Variants in SV2C observed in about 807,000 individuals in gnomAD.
The protein encoded by SV2C is synaptic vesicle glycoprotein 2C, also known as solute carrier family 22 member B3.
In SV2C, 49 loss-of-function variants were observed where a neutral mutation model predicts 79.7. The ratio of observed to expected loss-of-function variants is 0.61; its 90% confidence interval spans 0.49 to 0.78. SV2C has a LOEUF of 0.78. Ranked by LOEUF, SV2C falls within the 30% of genes least tolerant of loss-of-function variation. The pLI, the probability that SV2C is intolerant of heterozygous loss-of-function variation, is 0.00. For synonymous variants in SV2C, 334 were observed against 333.2 expected, an observed-to-expected ratio of 1.00 and a Z score of -0.03; for missense variants, 833 against 912.9, an observed-to-expected ratio of 0.91 and a Z score of 1.13.
rs114335668 is a variant in SV2C, at chr5:76,255,890, G to T, written c.914-29272G>T. Among the ~76,000 whole-genome samples the T allele has an allele frequency of 6.8e-3, 1,030 of 152,244 alleles. 3 individuals are homozygous for T. Among genetic ancestry groups the T allele is most frequent in the Middle Eastern group, 0.017 (5 of 294 alleles). On this transcript the variant is annotated intron_variant, in intron 4 of 12. Transcript: ENST00000502798. ...ACTTGGCTCCCATCTCAGCCCTTCTGGGGGAAGAGGGCTCAGATTCTTACA... is the reference window on the plus strand; with the variant it reads ...ACTTGGCTCCCATCTCAGCCCTTCTTGGGGAAGAGGGCTCAGATTCTTACA...
the SV2C span, among the ~76,000 whole-genome samples, chr5:75,939,418 A>G: frequency 6.6e-6 from 1 of 152,074 alleles, no homozygotes; most frequent in Non-Finnish European, 1.5e-5. Context: ...TAAGGACACT[A>G]AAGTCATCAG....
chr5:76,273,883 G>A (rs561120318), intron 4 of SV2C, among the ~76,000 whole-genome samples: 8 of 152,166 alleles, frequency 5.3e-5, no homozygotes, highest in Non-Finnish European at 1.0e-4. Flanking sequence ...TGGCAATAGC[G>A]TTCACAGGAT....
chr5:76,223,201 G>C (rs1239876901), intron 4 of SV2C, among the ~76,000 whole-genome samples: 1 of 151,846 alleles, frequency 6.6e-6, no homozygotes, highest in Non-Finnish European at 1.5e-5. Flanking sequence ...ATTATCTTAG[G>C]CTGAGGTGGG....
At chr5:76,001,431 T>C in the SV2C span, among the ~76,000 whole-genome samples, 1 of 152,002 alleles carries the variant, frequency 6.6e-6, no homozygotes, top group Non-Finnish European at 1.5e-5. Context: ...GTCTACCCCA[T>C]CTCTACTGAA....
At chr5:75,964,374 AG>A in the SV2C span, among the ~76,000 whole-genome samples, 1 of 152,154 alleles carries the variant, frequency 6.6e-6, no homozygotes, top group East Asian at 1.9e-4. Flanking sequence ...GTCCTTCTCA[AG>A]TATTTCTTTT....
chr5:76,218,240 C>T (rs4704298), intron 4 of SV2C, among the ~76,000 whole-genome samples: 48,392 of 152,050 alleles, frequency 0.32, 8,154 homozygotes, highest in East Asian at 0.62. Flanking sequence ...AATTGCTGTA[C>T]GATCACATTA....
the SV2C span, among the ~76,000 whole-genome samples, chr5:76,024,437 C>T: frequency 2.6e-5 from 4 of 152,174 alleles, no homozygotes; most frequent in Non-Finnish European, 4.4e-5. Flanking sequence ...TGGTCATTTG[C>T]TTTTCATGTT....
At chr5:75,921,660 C>A in the SV2C span, 2 of 677,542 alleles carry the variant, frequency 3.0e-6, no homozygotes, top group Non-Finnish European at 5.3e-6. Flanking sequence ...ATGCGGGGGC[C>A]CCCTTTTATC....
the SV2C span, among the ~76,000 whole-genome samples, chr5:75,956,977 A>T: frequency 6.6e-6 from 1 of 151,974 alleles, no homozygotes; most frequent in Non-Finnish European, 1.5e-5. Context: ...TACAGTCTAC[A>T]AAGGCAAGGT....
chr5:76,099,570 T>C (rs978566799), intron 1 of SV2C, among the ~76,000 whole-genome samples: 2 of 152,182 alleles, frequency 1.3e-5, no homozygotes, highest in Admixed American at 6.5e-5. Context: ...GGCTGACATA[T>C]GACAACACAG....
At chr5:76,227,712 G>A (rs1267217913) in intron 4 of SV2C, among the ~76,000 whole-genome samples, 3 of 152,224 alleles carry the variant, frequency 2.0e-5, no homozygotes, top group Non-Finnish European at 4.4e-5. Context: ...GCTACTCAGG[G>A]GTGTCAGTCC....
intron 2 of SV2C, among the ~76,000 whole-genome samples, chr5:76,148,038 A>G (rs1749492803): frequency 1.3e-5 from 2 of 152,208 alleles, no homozygotes; most frequent in South Asian, 4.1e-4. Context: ...GATGCTAAAT[A>G]AAGAGACTCA....
the SV2C span, among the ~76,000 whole-genome samples, chr5:76,051,988 A>T: frequency 0.021 from 3,145 of 152,248 alleles, 45 homozygotes; most frequent in South Asian, 0.048. Context: ...AGATCAATTT[A>T]TTTTATCTTC....
chr5:75,848,624 CA>C, the SV2C span, among the ~76,000 whole-genome samples: 1 of 152,146 alleles, frequency 6.6e-6, no homozygotes, highest in Admixed American at 6.5e-5. Flanking sequence ...ATGAATAAAA[CA>C]ATTGAACATG....
chr5:76,195,254 T>A (rs1241582970), intron 3 of SV2C, among the ~76,000 whole-genome samples, 155 bp downstream of exon 3: 2 of 152,196 alleles, frequency 1.3e-5, no homozygotes, highest in Non-Finnish European at 2.9e-5. Flanking sequence ...CTTAGAAATA[T>A]AATTATCAAC....
At chr5:75,880,749 C>T in the SV2C span, among the ~76,000 whole-genome samples, 1 of 152,188 alleles carries the variant, frequency 6.6e-6, no homozygotes, top group Non-Finnish European at 1.5e-5. Flanking sequence ...GCCTGTTATT[C>T]AGTTCAAAAG....
At position 76,257,263 on chromosome 5, in the gene SV2C, ATGTG is replaced by A. The variant is rs59644660; in HGVS notation, c.914-27875_914-27872del. ...AGCTCGTGGTGGGGGGCTGTAGTGT[ATGTG>A]TGTGTGTGTGTGTGTGTGTGTGTAG... On this transcript the variant is annotated intron_variant, in intron 4 of 12. Transcript: ENST00000502798. 5.7e-3 allele frequency among the ~76,000 whole-genome samples: 773 copies of A among 134,786 alleles called. 2 individuals carry two copies. Among genetic ancestry groups the A allele is most frequent in the Middle Eastern group, 0.019 (5 of 262 alleles). 88.4% of individuals were successfully genotyped at this position (134,786 alleles called of 152,430 possible).
chr5:76,273,708 G>C (rs191356647), intron 4 of SV2C, among the ~76,000 whole-genome samples: 2 of 152,146 alleles, frequency 1.3e-5, no homozygotes, highest in Non-Finnish European at 2.9e-5. Flanking sequence ...CTTGTTGCTC[G>C]GGCCTGCTCT....
chr5:76,068,374 T>G, the SV2C span, among the ~76,000 whole-genome samples: 5 of 152,196 alleles, frequency 3.3e-5, no homozygotes, highest in African/African-American at 1.2e-4. Context: ...TATGCCTTCA[T>G]CCTGATGAAA....
Sources: allele counts gnomAD v4.1 joint callset (sites outside exome capture counted in the v4.1 genomes callset), GRCh38; gene constraint gnomAD v4.1.1; transcripts MANE v1.5; gene names NCBI Gene and HGNC (gene_info 2026-07-23, HGNC 2026-07-21).